The following RBM20 variants were observed in gnomAD, a reference collection of about 807,000 sequenced individuals.
The protein encoded by RBM20 is RNA binding motif protein 20.
A neutral mutation model predicts 110.1 loss-of-function variants in RBM20; 51 were observed. The observed-to-expected ratio is 0.46, with a 90% CI of 0.37 to 0.59. The LOEUF (loss-of-function observed/expected upper bound fraction) is 0.59. RBM20 is among the 20% of genes least tolerant of loss of function. RBM20 has a pLI of 0.00. For missense variants in RBM20, 1,512 were observed against 1,574.9 expected (o/e 0.96, Z 0.68); for synonymous variants, 589 against 618.2 (o/e 0.95, Z 0.70).
intron 1 of RBM20, among the ~76,000 whole-genome samples, chr10:110,750,241 A>G (rs569111206): frequency 6.6e-6 from 1 of 152,380 alleles, no homozygotes; most frequent in South Asian, 2.1e-4. Flanking sequence ...AACACAAAGC[A>G]ACTACCAACC....
rs541728794 is a variant in RBM20, at chr10:110,766,318, T to TTTTTTTGTTTTTTG, written c.192-14471_192-14458dup. 2.3e-4 allele frequency among the ~76,000 whole-genome samples: 35 copies of TTTTTTTGTTTTTTG among 149,286 alleles called. No individual in the cohort carries two copies. In the East Asian group the frequency reaches 5.7e-3, roughly 24 times the overall value. The stretch of plus-strand genomic sequence containing the variant: ...CTCTACTCTGCAGTAACTTTGTTTT[T>TTTTTTTGTTTTTTG]TTTTTTGTTTTTTGTTTTTTGTTTT... On this transcript the variant is annotated intron_variant, in intron 1 of 13. Coordinates refer to ENST00000369519, the MANE Select transcript of RBM20 (RefSeq NM_001134363.3).
intron 6 of RBM20, 83 bp downstream of exon 6, chr10:110,797,731 C>G (rs376553572): frequency 7.1e-7 from 1 of 1,400,544 alleles, no homozygotes; most frequent in Non-Finnish European, 9.8e-7. Flanking sequence ...TTGAAAGAAG[C>G]CATTCTTAAC....
intron 9 of RBM20, among the ~76,000 whole-genome samples, chr10:110,819,622 CTG>C (rs1295914121): frequency 6.6e-6 from 1 of 152,198 alleles, no homozygotes; most frequent in Non-Finnish European, 1.5e-5. Context: ...GGCACTCTGA[CTG>C]TGCCCTTTCT....
rs1862789317 is a variant in RBM20, at chr10:110,703,412, TA to T, written c.191+58768del. ...AAAAGAAAGAAAGAAAGAAAGAATT[TA>T]GAATGTATCAGTTAAAAATAAAACT... On this transcript the variant is annotated intron_variant, in intron 1 of 13. Transcript: ENST00000369519. Among the ~76,000 whole-genome samples, 9 of 151,784 alleles carry T rather than the reference TA, an allele frequency of 5.9e-5. No individual in the cohort carries two copies. The Middle Eastern group carries it at 0.024, about 402-fold the overall frequency.
chr10:110,721,990 AC>A (rs930197644), intron 1 of RBM20, among the ~76,000 whole-genome samples: 6 of 152,058 alleles, frequency 3.9e-5, no homozygotes, highest in African/African-American at 1.4e-4. Context: ...CTCCTTAGGC[AC>A]CTGCTCCTTC....
upstream of RBM20, among the ~76,000 whole-genome samples, chr10:110,643,981 G>C (rs529726873): frequency 5.6e-4 from 85 of 152,298 alleles, no homozygotes; most frequent in African/African-American, 1.8e-3. Context: ...GGGACAGCCG[G>C]AGGACTCAGG....
At chr10:110,785,139 C>G (rs1844405237) in intron 5 of RBM20, among the ~76,000 whole-genome samples, 1 of 152,162 alleles carries the variant, frequency 6.6e-6, no homozygotes, top group African/African-American at 2.4e-5. Context: ...TCTCTGTGTG[C>G]CAGTCACCCT....
At chr10:110,815,297 G>T (rs988452484) in intron 9 of RBM20, among the ~76,000 whole-genome samples, 1 of 152,206 alleles carries the variant, frequency 6.6e-6, no homozygotes, top group African/African-American at 2.4e-5. Context: ...AATGCCCAGC[G>T]TTCCAGTGAA....
chr10:110,809,798 G>A (rs1282208035), intron 7 of RBM20, among the ~76,000 whole-genome samples: 2 of 152,172 alleles, frequency 1.3e-5, no homozygotes, highest in African/African-American at 2.4e-5. Flanking sequence ...CTGGTGTCAG[G>A]TCCTGATTCT....
At chr10:110,796,370 T>C (rs561977365) in intron 5 of RBM20, among the ~76,000 whole-genome samples, 1 of 152,362 alleles carries the variant, frequency 6.6e-6, no homozygotes, top group African/African-American at 2.4e-5. Flanking sequence ...ATTCCAATAA[T>C]TATCAAAATT....
At chr10:110,718,452 T>A (rs1405512569) in intron 1 of RBM20, among the ~76,000 whole-genome samples, 1 of 152,088 alleles carries the variant, frequency 6.6e-6, no homozygotes, top group Admixed American at 6.5e-5. Context: ...TCTAGCCCTT[T>A]TTCTGGTATT....
Position 110,837,299 on chromosome 10 carries a change from C to G in RBM20, c.*1321C>G, listed in dbSNP as rs941381971. The G allele has an allele frequency of 6.6e-6, 1 of 152,182 alleles. No individual in the cohort carries two copies. Among genetic ancestry groups the G allele is most frequent in the African/African-American group, 2.4e-5 (1 of 41,440 alleles). The allele number at this position is 152,182 out of a possible 1,614,324, so 9.4% of individuals were successfully genotyped here. A position where few individuals can be genotyped will look rare whatever the true frequency, so the allele number is the denominator to read the frequency against. ...TGGGTACCTTCAGGCTGTGGGGTCT[C>G]TAGCCTGATATTCCATTGAAAGGGT... On this transcript the variant is annotated 3_prime_UTR_variant, in exon 14 of 14. Transcript: ENST00000369519.
intron 1 of RBM20, among the ~76,000 whole-genome samples, chr10:110,778,167 A>G (rs550265767): frequency 6.6e-6 from 1 of 152,330 alleles, no homozygotes; most frequent in African/African-American, 2.4e-5. Flanking sequence ...ACAGGGCTGT[A>G]ACTACCTTTA....
chr10:110,669,628 C>T (rs1328999883), intron 1 of RBM20, among the ~76,000 whole-genome samples: 1 of 152,236 alleles, frequency 6.6e-6, no homozygotes, highest in Admixed American at 6.5e-5. Context: ...TGCTGTGTTG[C>T]TCAGACTGGT....
At chr10:110,779,615 G>T (rs943130868) in intron 1 of RBM20, among the ~76,000 whole-genome samples, 40 of 152,204 alleles carry the variant, frequency 2.6e-4, no homozygotes, top group Non-Finnish European at 5.3e-4. Context: ...AAAGTGGGGG[G>T]ACAGTCTTGT....
chr10:110,729,970 C>A lies in RBM20; in HGVS notation c.192-50831C>A, dbSNP rs150286646. On this transcript the variant is annotated intron_variant, in intron 1 of 13. Transcript: ENST00000369519. ...AGCTGGGATTACAGGCATGCGCCAC[C>A]ATGCCCGGCTAATTTTTTTGTATTT... Among the ~76,000 whole-genome samples, 432 of 152,302 alleles carry A rather than the reference C, an allele frequency of 2.8e-3. 6 individuals are homozygous for A. Among genetic ancestry groups the A allele is most frequent in the African/African-American group, 9.7e-3 (402 of 41,562 alleles).
At chr10:110,820,909 T>G (rs1844900489) in intron 10 of RBM20, among the ~76,000 whole-genome samples, 1 of 152,198 alleles carries the variant, frequency 6.6e-6, no homozygotes, top group Non-Finnish European at 1.5e-5. Flanking sequence ...GGGGCTTTGC[T>G]GCAGTTACAT....
chr10:110,821,245 C>T, intron 10 of RBM20, 30 bp from the exon 11 acceptor site: 1 of 1,539,486 alleles, frequency 6.5e-7, no homozygotes, highest in African/African-American at 1.4e-5. Context: ...CTCAACCACC[C>T]TCTGACCTCC....
intron 1 of RBM20, among the ~76,000 whole-genome samples, chr10:110,684,605 A>G (rs1862474574): frequency 6.6e-6 from 1 of 152,234 alleles, no homozygotes; most frequent in Admixed American, 6.5e-5. Context: ...CTTTAACTAA[A>G]GAAGTATGTG....
Sources: gnomAD v4.1 joint callset for allele counts (sites outside exome capture counted in the v4.1 genomes callset) on GRCh38, gnomAD v4.1.1 for gene constraint, MANE v1.5 for transcripts, NCBI Gene and HGNC (gene_info 2026-07-23, HGNC 2026-07-21) for gene names.